The following DTWD1 variants were observed in gnomAD, a reference collection of about 807,000 sequenced individuals.
DTWD1 encodes tRNA-uridine aminocarboxypropyltransferase 1.
In DTWD1, 27 loss-of-function variants were observed where a neutral mutation model predicts 30.2. That is an observed-to-expected ratio of 0.90 (90% CI 0.66 to 1.23). The LOEUF (loss-of-function observed/expected upper bound fraction) is 1.23, where lower values mean the gene tolerates loss of function less well. Among genes scored for constraint, DTWD1 ranks in the 50% most tolerant of loss-of-function variants. The probability of loss-of-function intolerance (pLI) is 0.00; values close to 1 mark genes in which losing one functional copy is unlikely to be tolerated. For missense variants in DTWD1, 342 were observed against 348.8 expected (o/e 0.98, Z 0.15); for synonymous variants, 99 against 113.1 (o/e 0.88, Z 0.79).
chr15:49,632,698 T>C (rs2078939485), intron 3 of DTWD1, among the ~76,000 whole-genome samples: 1 of 152,206 alleles, frequency 6.6e-6, no homozygotes, highest in South Asian at 2.1e-4. Context: ...AAGACTGAGT[T>C]AGGATATTCA....
In DTWD1 at chr15:49,624,317, G is replaced by A. The variant is rs552224889; in HGVS notation, c.-55-796G>A. Among the ~76,000 whole-genome samples the A allele has an allele frequency of 4.6e-5, 7 of 152,120 alleles. 1 individual carries two copies. Among genetic ancestry groups the A allele is most frequent in the African/African-American group, 7.2e-5 (3 of 41,428 alleles). On this transcript the variant is annotated intron_variant, in intron 1 of 4. Transcript: ENST00000403028. ...ATTTTACAGCTGTGGAATGCATATC[G>A]AATCAATAGGGCACCAGTGTTGTTT...
In DTWD1 at chr15:49,648,909, TGAAGA is replaced by T. The variant is rs2079136551; in HGVS notation, c.*5334_*5338del. Reference sequence around the variant, plus strand: ...AGCTTGAAGTTTGTTTATTTTCACTTGAAGAGATCTCTCAGAAAGTCAAAGAAAAT... The same window carrying T: ...AGCTTGAAGTTTGTTTATTTTCACTTGATCTCTCAGAAAGTCAAAGAAAAT... On this transcript the variant is annotated 3_prime_UTR_variant, in exon 5 of 5. Coordinates refer to ENST00000403028, the MANE Select transcript of DTWD1 (RefSeq NM_001144955.2). The T allele has an allele frequency of 1.3e-5, 2 of 152,128 alleles. No individual in the cohort carries two copies. The highest frequency in any genetic ancestry group is 2.9e-5 in the Non-Finnish European group (2 of 68,030). The allele number at this position is 152,128 out of a possible 1,614,324, so 9.4% of individuals were successfully genotyped here.
intron 4 of DTWD1, among the ~76,000 whole-genome samples, chr15:49,639,735 G>A (rs551815734): frequency 6.6e-6 from 1 of 152,092 alleles, no homozygotes; most frequent in African/African-American, 2.4e-5. Context: ...AATTATGAAT[G>A]TCATATTTTA....
chr15:49,639,387 C>G (rs184459578), intron 4 of DTWD1, among the ~76,000 whole-genome samples: 70 of 152,152 alleles, frequency 4.6e-4, no homozygotes, highest in African/African-American at 1.6e-3. Context: ...ATAGCAAGGC[C>G]TACATCTCAA....
intron 1 of DTWD1, among the ~76,000 whole-genome samples, chr15:49,624,417 A>C (rs2078811338): frequency 6.6e-6 from 1 of 152,228 alleles, no homozygotes; most frequent in South Asian, 2.1e-4. Context: ...TTTGAAGAAA[A>C]TATTAAGTGG....
chr15:49,628,897 A>G (rs2078881209), intron 2 of DTWD1, among the ~76,000 whole-genome samples: 1 of 151,946 alleles, frequency 6.6e-6, no homozygotes, highest in South Asian at 2.1e-4. Flanking sequence ...CAGAACTTGC[A>G]GGTTTGTTAC....
rs1423399023 is a variant in DTWD1, at chr15:49,650,441, G to A, written c.*6863G>A. ...TGATATTTGCCTGGACAAGGGTTGT[G>A]ATCATGGGCGAGTGGTACAGAATGA... is the stretch of plus-strand genomic sequence containing the variant. On this transcript the variant is annotated 3_prime_UTR_variant, in exon 5 of 5. Transcript: ENST00000403028. The A allele has an allele frequency of 6.6e-6, 1 of 152,170 alleles. No individual in the cohort carries two copies. Among genetic ancestry groups the A allele is most frequent in the Non-Finnish European group, 1.5e-5 (1 of 68,024 alleles). The allele number at this position is 152,170 out of a possible 1,614,324, so 9.4% of individuals were successfully genotyped here.
At chr15:49,640,392 A>G (rs1398642819) in intron 4 of DTWD1, among the ~76,000 whole-genome samples, 1 of 152,162 alleles carries the variant, frequency 6.6e-6, no homozygotes, top group Non-Finnish European at 1.5e-5. Flanking sequence ...TTCCTATTGC[A>G]AATAATGCTA....
intron 4 of DTWD1, among the ~76,000 whole-genome samples, chr15:49,641,020 T>C (rs2079059078): frequency 6.6e-6 from 1 of 152,032 alleles, no homozygotes; most frequent in African/African-American, 2.4e-5. Flanking sequence ...TTCCAGTTCT[T>C]ATCCTTCTAA....
rs2079139357 is a variant in DTWD1, at chr15:49,649,391, A to C, written c.*5813A>C. 6.6e-6 allele frequency: 1 copy of C among 152,214 alleles called. No homozygotes were observed. The highest frequency in any genetic ancestry group is 1.5e-5 in the Non-Finnish European group (1 of 68,062). 9.4% of individuals were successfully genotyped at this position (152,214 alleles called of 1,614,324 possible). On this transcript the variant is annotated 3_prime_UTR_variant, in exon 5 of 5. Coordinates refer to ENST00000403028, the MANE Select transcript of DTWD1 (RefSeq NM_001144955.2). ...AAAGATGCTTAGGAGAATACTGAAGATGTTTTCCAGTAAAACGGAGAAGGA... is the reference window on the plus strand; with the variant it reads ...AAAGATGCTTAGGAGAATACTGAAGCTGTTTTCCAGTAAAACGGAGAAGGA...
Position 49,650,681 on chromosome 15 carries a change from T to G in DTWD1, c.*7103T>G, listed in dbSNP as rs1307581153. The G allele has an allele frequency of 6.6e-6, 1 of 152,162 alleles. No individual in the cohort carries two copies. The highest frequency in any genetic ancestry group is 6.6e-5 in the Admixed American group (1 of 15,266). The allele number at this position is 152,162 out of a possible 1,614,324, so 9.4% of individuals were successfully genotyped here. On this transcript the variant is annotated 3_prime_UTR_variant, in exon 5 of 5. Coordinates refer to ENST00000403028, the MANE Select transcript of DTWD1 (RefSeq NM_001144955.2). ...CCTGAGGTTACCCTCGTCTTAGATC[T>G]CAGGGCAGCCCTCAGTGGAGATGTA...
chr15:49,625,712 A>G (rs1483251508), intron 2 of DTWD1, among the ~76,000 whole-genome samples: 1 of 152,130 alleles, frequency 6.6e-6, no homozygotes, highest in African/African-American at 2.4e-5. Flanking sequence ...TCCTTCCCTT[A>G]TTGGCTAGGG....
intron 4 of DTWD1, among the ~76,000 whole-genome samples, chr15:49,642,214 A>T (rs2079073571): frequency 6.6e-6 from 1 of 152,126 alleles, no homozygotes; most frequent in Non-Finnish European, 1.5e-5. Context: ...CATTGGGCCA[A>T]TTTTGATGCT....
intron 3 of DTWD1, among the ~76,000 whole-genome samples, chr15:49,633,049 C>CTATCTATATATATATATATATA (rs2078947255): frequency 3.4e-5 from 4 of 117,340 alleles, no homozygotes; most frequent in African/African-American, 1.0e-4. Flanking sequence ...ATATCTATAT[C>CTATCTATATATATATATATATA]TATATATATA....
At chr15:49,630,413 C>G (rs2078903855) in intron 2 of DTWD1, among the ~76,000 whole-genome samples, 1 of 152,138 alleles carries the variant, frequency 6.6e-6, no homozygotes, top group African/African-American at 2.4e-5. Flanking sequence ...GGGATGGGAA[C>G]TTGGAGATGG....
In DTWD1 at chr15:49,645,083, G is replaced by A. The variant is rs1195575216; in HGVS notation, c.*1505G>A. 1.3e-5 allele frequency: 2 copies of A among 152,042 alleles called. No homozygotes were observed. Among genetic ancestry groups the A allele is most frequent in the Non-Finnish European group, 2.9e-5 (2 of 68,000 alleles). 9.4% of individuals were successfully genotyped at this position (152,042 alleles called of 1,614,324 possible). On this transcript the variant is annotated 3_prime_UTR_variant, in exon 5 of 5. Coordinates refer to ENST00000403028, the MANE Select transcript of DTWD1 (RefSeq NM_001144955.2). ...TTGTTTCCCTCCCAGGGATTCAGAA[G>A]GCAAAACATATTAAAGGTTCTGAAA... is the stretch of plus-strand genomic sequence containing the variant.
intron 4 of DTWD1, among the ~76,000 whole-genome samples, chr15:49,638,147 T>G (rs1256023720): frequency 6.6e-6 from 1 of 152,230 alleles, no homozygotes; most frequent in African/African-American, 2.4e-5. Context: ...GAGCCATTTT[T>G]CTTTATAGTT....
rs1212260944 is a variant in DTWD1 at position 49,646,181 on chromosome 15, T to C, written c.*2603T>C. The C allele has an allele frequency of 6.6e-6, 1 of 152,214 alleles. No individual in the cohort carries two copies. Among genetic ancestry groups the C allele is most frequent in the Admixed American group, 6.5e-5 (1 of 15,272 alleles). 9.4% of individuals were successfully genotyped at this position (152,214 alleles called of 1,614,324 possible). A position where few individuals can be genotyped will look rare whatever the true frequency, so the allele number is the denominator to read the frequency against. On this transcript the variant is annotated 3_prime_UTR_variant, in exon 5 of 5. Transcript: ENST00000403028. ...CTGATGGCCAGCCAAACCCAAGATATGTGAATGATTCCAGCCAAGATCAGC... is the reference window on the plus strand; with the variant it reads ...CTGATGGCCAGCCAAACCCAAGATACGTGAATGATTCCAGCCAAGATCAGC...
Position 49,654,675 on chromosome 15 carries a change from A to T in DTWD1, c.*11097A>T, listed in dbSNP as rs1750063732. On this transcript the variant is annotated 3_prime_UTR_variant, in exon 5 of 5. Transcript: ENST00000403028. Reference sequence around the variant, plus strand: ...TTGAGTGACTTTTTTTCTTTAAAAAAATGAGATTGTGGAACCTGAAAATAC... The same window carrying T: ...TTGAGTGACTTTTTTTCTTTAAAAATATGAGATTGTGGAACCTGAAAATAC... The T allele has an allele frequency of 6.6e-6, 1 of 151,900 alleles. No individual in the cohort carries two copies. Among genetic ancestry groups the T allele is most frequent in the African/African-American group, 2.4e-5 (1 of 41,346 alleles). 9.4% of individuals were successfully genotyped at this position (151,900 alleles called of 1,614,324 possible).
Sources: gnomAD v4.1 joint callset for allele counts (sites outside exome capture counted in the v4.1 genomes callset) on GRCh38, gnomAD v4.1.1 for gene constraint, MANE v1.5 for transcripts, NCBI Gene and HGNC (gene_info 2026-07-23, HGNC 2026-07-21) for gene names.